Variants in SPTSSA observed in about 807,000 individuals in gnomAD.
SPTSSA encodes the protein small subunit of serine palmitoyltransferase A.
In SPTSSA, 8 loss-of-function variants were observed where a neutral mutation model predicts 9.1. The observed-to-expected ratio is 0.88, with a 90% CI of 0.51 to 1.58. The LOEUF (loss-of-function observed/expected upper bound fraction) is 1.58. SPTSSA is among the 40% of genes most tolerant of loss of function. The pLI is 0.00. For missense variants in SPTSSA, 100 were observed against 93.8 expected (o/e 1.07, Z -0.27); for synonymous variants, 42 against 37.7 (o/e 1.11, Z -0.41).
intron 1 of SPTSSA, among the ~76,000 whole-genome samples, chr14:34,453,109 T>C (rs74949739): frequency 0.01 from 1,586 of 152,300 alleles, 31 homozygotes; most frequent in African/African-American, 0.035. Flanking sequence ...CGACTGTTAA[T>C]GTTATCAATA....
At chr14:34,435,778 CG>C in intron 1 of SPTSSA, among the ~76,000 whole-genome samples, 1 of 151,476 alleles carries the variant, frequency 6.6e-6, no homozygotes, top group Non-Finnish European at 1.5e-5. Context: ...TACAGGTGCC[CG>C]CCATGACACC....
chr14:34,443,196 GGGGTGTGTGT>G lies in SPTSSA; in HGVS notation c.113-7902_113-7893del, dbSNP rs1318329047. ...GTTTTGAGATTGAGTTTTCCTCTAG[GGGGTGTGTGT>G]GTGTGTGTGTGTGTGTGTGTGTGTG... On this transcript the variant is annotated intron_variant, in intron 1 of 1. Transcript: ENST00000298130. Among the ~76,000 whole-genome samples the G allele has an allele frequency of 7.1e-4, 12 of 16,796 alleles. 1 individual carries two copies. Among genetic ancestry groups the G allele is most frequent in the Non-Finnish European group, 1.0e-3 (10 of 10,044 alleles). The allele number at this position is 16,796 out of a possible 152,430, so 11.0% of individuals were successfully genotyped here. A position where few individuals can be genotyped will look rare whatever the true frequency, so the allele number is the denominator to read the frequency against.
rs886878001 is a variant in SPTSSA, at chr14:34,433,067, T to C, written c.*2134A>G. 5 of 152,210 alleles carry C rather than the reference T, an allele frequency of 3.3e-5. No individual in the cohort carries two copies. The highest frequency in any genetic ancestry group is 1.2e-4 in the African/African-American group (5 of 41,456). The allele number at this position is 152,210 out of a possible 1,614,324, so 9.4% of individuals were successfully genotyped here. On this transcript the variant is annotated 3_prime_UTR_variant, in exon 2 of 2. Transcript: ENST00000298130. ...GATTTCCCTGTTATTTACTAACAAA[T>C]AGACCAGACATTTGCATCAGACAGT...
intron 1 of SPTSSA, among the ~76,000 whole-genome samples, chr14:34,457,285 T>C (rs1878503984): frequency 6.7e-6 from 1 of 148,616 alleles, no homozygotes. Flanking sequence ...TTTTCTCAAC[T>C]CTCAACAGGA....
At chr14:34,451,974 A>G (rs903292417) in intron 1 of SPTSSA, among the ~76,000 whole-genome samples, 1 of 152,106 alleles carries the variant, frequency 6.6e-6, no homozygotes, top group African/African-American at 2.4e-5. Context: ...AAAACTGCAG[A>G]TCATCACCAA....
intron 1 of SPTSSA, among the ~76,000 whole-genome samples, chr14:34,436,803 C>T (rs1236533868): frequency 6.6e-6 from 1 of 152,116 alleles, no homozygotes; most frequent in African/African-American, 2.4e-5. Context: ...CTGACTCAAG[C>T]CATAAACTCA....
chr14:34,452,752 G>A (rs917281979), intron 1 of SPTSSA, among the ~76,000 whole-genome samples: 9 of 152,094 alleles, frequency 5.9e-5, no homozygotes, highest in Admixed American at 2.0e-4. Flanking sequence ...GTGTTATGGG[G>A]AAAAATTTCC....
At chr14:34,451,788 A>C (rs1269589823) in intron 1 of SPTSSA, among the ~76,000 whole-genome samples, 1 of 152,150 alleles carries the variant, frequency 6.6e-6, no homozygotes, top group Non-Finnish European at 1.5e-5. Flanking sequence ...AGTTGTGATA[A>C]ATCTAAGAAA....
In SPTSSA at chr14:34,435,433, T is replaced by TTAA. The variant is rs1555313873; in HGVS notation, c.113-130_113-129insTTA. Reference sequence around the variant, plus strand: ...CTTTCTCATTTATATCAAGCACTGATAAAAAAAACAACAAGAATGATAATA... The same window carrying TTAA: ...CTTTCTCATTTATATCAAGCACTGATTAAAAAAAAAACAACAAGAATGATAATA... On this transcript the variant is annotated intron_variant, in intron 1 of 1. Coordinates refer to ENST00000298130, the MANE Select transcript of SPTSSA (RefSeq NM_138288.4). The TTAA allele has an allele frequency of 4.1e-3, 2,313 of 562,816 alleles. 47 individuals are homozygous for TTAA. The highest frequency in any genetic ancestry group is 0.04 in the African/African-American group (2,095 of 52,110). 34.9% of individuals were successfully genotyped at this position (562,816 alleles called of 1,614,324 possible).
At position 34,461,504 on chromosome 14, in the gene SPTSSA, C is replaced by A. The variant is rs573150401; in HGVS notation, c.112+592G>T. The stretch of plus-strand genomic sequence containing the variant: ...TTCGGGCCGACTTCTACGGACGGTG[C>A]ACAGAAGCAATAAATACACTTTTAA... On this transcript the variant is annotated intron_variant, in intron 1 of 1. Coordinates refer to ENST00000298130, the MANE Select transcript of SPTSSA (RefSeq NM_138288.4). Among the ~76,000 whole-genome samples, 4 of 152,266 alleles carry A rather than the reference C, an allele frequency of 2.6e-5. No homozygotes were observed. The South Asian group carries it at 8.3e-4, about 32-fold the overall frequency.
rs186495087 is a variant in SPTSSA, at chr14:34,451,530, T to C, written c.112+10566A>G. On this transcript the variant is annotated intron_variant, in intron 1 of 1. Transcript: ENST00000298130. ...CGAGGTCAGGAGATCGAGACCGTCC[T>C]GGCTAACACGGTGAAACCCCGTCTC... 7.0e-4 allele frequency among the ~76,000 whole-genome samples: 106 copies of C among 152,048 alleles called. No individual in the cohort carries two copies. The East Asian group carries it at 0.019, about 27-fold the overall frequency.
chr14:34,451,717 CAAAAAAAAAA>C (rs35096900), intron 1 of SPTSSA, among the ~76,000 whole-genome samples: 10 of 77,182 alleles, frequency 1.3e-4, no homozygotes, highest in Admixed American at 3.1e-4. Flanking sequence ...GACTCTGTTT[CAAAAAAAAAA>C]AAAAAAAAAA....
intron 1 of SPTSSA, among the ~76,000 whole-genome samples, chr14:34,459,471 A>AT (rs59299822): frequency 7.0e-6 from 1 of 142,204 alleles, no homozygotes; most frequent in Non-Finnish European, 1.5e-5. Context: ...AAAAAAAAAA[A>AT]GAAAAAGAAA....
At chr14:34,451,108 T>A (rs1229212545) in intron 1 of SPTSSA, among the ~76,000 whole-genome samples, 3 of 150,790 alleles carry the variant, frequency 2.0e-5, no homozygotes, top group African/African-American at 4.9e-5. Context: ...ATGCTTTACA[T>A]ATAAATACAG....
chr14:34,456,277 G>A (rs11156845), intron 1 of SPTSSA, among the ~76,000 whole-genome samples: 13,967 of 150,820 alleles, frequency 0.093, 1,318 homozygotes, highest in African/African-American at 0.25. Flanking sequence ...AGCTGAGATC[G>A]CGTCATTGCA....
intron 1 of SPTSSA, among the ~76,000 whole-genome samples, chr14:34,455,449 T>C (rs10138275): frequency 0.011 from 1,744 of 152,116 alleles, 32 homozygotes; most frequent in African/African-American, 0.04. Flanking sequence ...GAGAGATGCA[T>C]AGGAAACTGC....
Position 34,447,451 on chromosome 14 carries a change from A to C in SPTSSA, c.113-12147T>G, listed in dbSNP as rs575076682. Among the ~76,000 whole-genome samples, 7 of 152,254 alleles carry C rather than the reference A, an allele frequency of 4.6e-5. No individual in the cohort carries two copies. In the South Asian group the frequency reaches 1.5e-3, roughly 32 times the overall value. On this transcript the variant is annotated intron_variant, in intron 1 of 1. Coordinates refer to ENST00000298130, the MANE Select transcript of SPTSSA (RefSeq NM_138288.4). ...ATGCTTCCATGCAGCCATCTCTAGA[A>C]TGTCATATGATTGCTCTTCAACTGG...
Position 34,435,096 on chromosome 14 carries a change from G to T in SPTSSA, c.*105C>A. ...ATGAATTTTAGTCTTTATAAGGTTGGTTATGTTGACATCTAGAAGAGTTTC... is the reference window on the plus strand; with the variant it reads ...ATGAATTTTAGTCTTTATAAGGTTGTTTATGTTGACATCTAGAAGAGTTTC... On this transcript the variant is annotated 3_prime_UTR_variant, in exon 2 of 2. Transcript: ENST00000298130. 1.3e-6 allele frequency: 1 copy of T among 747,512 alleles called. No homozygotes were observed. The highest frequency in any genetic ancestry group is 2.2e-6 in the Non-Finnish European group (1 of 457,972). 46.3% of individuals were successfully genotyped at this position (747,512 alleles called of 1,614,324 possible).
At chr14:34,436,258 T>C (rs952028937) in intron 1 of SPTSSA, among the ~76,000 whole-genome samples, 18 of 152,216 alleles carry the variant, frequency 1.2e-4, no homozygotes, top group Middle Eastern at 3.2e-3. Flanking sequence ...TTCTGTACCA[T>C]GTTCCTTTCT....
Sources: gnomAD v4.1 joint callset for allele counts (sites outside exome capture counted in the v4.1 genomes callset) on GRCh38, gnomAD v4.1.1 for gene constraint, MANE v1.5 for transcripts, NCBI Gene and HGNC (gene_info 2026-07-23, HGNC 2026-07-21) for gene names.